Variants in RUNX3 observed in about 807,000 individuals in gnomAD.
RUNX3 encodes runt-related transcription factor 3.
RUNX3 carries 10 observed loss-of-function variants against 27.7 expected under a neutral mutation model. That is an observed-to-expected ratio of 0.36 (90% confidence interval 0.22 to 0.61). The LOEUF is 0.61. Ranked by LOEUF, RUNX3 falls within the 20% of genes least tolerant of loss-of-function variation. The probability of loss-of-function intolerance (pLI) is 0.72; values close to 1 mark genes in which losing one functional copy is unlikely to be tolerated. For missense variants in RUNX3, 469 were observed against 629.5 expected, an observed-to-expected ratio of 0.75 and a Z score of 2.73; for synonymous variants, 270 against 269.2, an observed-to-expected ratio of 1.00 and a Z score of -0.03.
At chr1:24,950,823 G>A (rs1050751484) in intron 2 of RUNX3, among the ~76,000 whole-genome samples, 5 of 152,178 alleles carry the variant, frequency 3.3e-5, no homozygotes, top group Admixed American at 2.0e-4. Context: ...AGGCAGACCT[G>A]TAGTAGGTGG....
At chr1:24,913,906 C>A (rs746538842) in intron 3 of RUNX3, among the ~76,000 whole-genome samples, 5 of 152,244 alleles carry the variant, frequency 3.3e-5, no homozygotes, top group Non-Finnish European at 7.3e-5. Flanking sequence ...ACCATTTTAG[C>A]AGGCATCCAT....
chr1:24,937,814 G>A (rs554790007), intron 2 of RUNX3, among the ~76,000 whole-genome samples: 4 of 152,336 alleles, frequency 2.6e-5, no homozygotes, highest in African/African-American at 9.6e-5. Context: ...TGGGGATGGA[G>A]TCTCAGTTTT....
chr1:24,930,002 G>T lies in RUNX3; in HGVS notation c.-134C>A. ...GAAGCGGCGGGGCCCGGGCCTCAGG[G>T]CGCAGGGGGCGGCGCCCGGCCACTA... is the stretch of plus-strand genomic sequence containing the variant. On this transcript the variant is annotated 5_prime_UTR_variant, in exon 1 of 5. Transcript: ENST00000308873. The surrounding 1 kb of genome is among the most constrained non-coding windows in gnomAD (Gnocchi z 4.1). The T allele has an allele frequency of 8.7e-7, 1 of 1,143,580 alleles. No individual in the cohort carries two copies. The highest frequency in any genetic ancestry group is 1.1e-6 in the Non-Finnish European group (1 of 933,054). 70.8% of individuals were successfully genotyped at this position (1,143,580 alleles called of 1,614,324 possible).
intron 2 of RUNX3, among the ~76,000 whole-genome samples, chr1:24,939,297 C>A (rs142878152): frequency 6.6e-6 from 1 of 152,352 alleles, no homozygotes; most frequent in Non-Finnish European, 1.5e-5. Context: ...TGGCAGCTCA[C>A]ACCCACATGG....
chr1:24,908,764 G>A (rs1431549851), intron 3 of RUNX3, among the ~76,000 whole-genome samples: 2 of 152,228 alleles, frequency 1.3e-5, no homozygotes, highest in Non-Finnish European at 2.9e-5. Flanking sequence ...CTGCCTCCCA[G>A]CATCCCAGCC....
Position 24,902,901 on chromosome 1 carries a change from C to G in RUNX3, c.704-235G>C, listed in dbSNP as rs551683005. On this transcript the variant is annotated intron_variant, in intron 4 of 4. Coordinates refer to ENST00000308873, the MANE Select transcript of RUNX3 (RefSeq NM_004350.3). The surrounding 1 kb of genome is among the most constrained non-coding windows in gnomAD (Gnocchi z 9.2). ...CCGGGCCAAGAGGGGCCATGGGAGC[C>G]CCCCCACAGCAGCAACAGAACAGAG... Among the ~76,000 whole-genome samples, 21 of 152,272 alleles carry G rather than the reference C, an allele frequency of 1.4e-4. 1 individual carries two copies. In the East Asian group the frequency reaches 3.7e-3, roughly 27 times the overall value.
intron 1 of RUNX3, chr1:24,929,233 C>A (rs190085162): frequency 5.6e-6 from 3 of 537,314 alleles, no homozygotes; most frequent in South Asian, 4.6e-5. Flanking sequence ...GGTGTCCTTG[C>A]CCCTGTCCCG....
Position 24,947,528 on chromosome 1 carries a change from G to A in RUNX3, c.58+16986C>T, listed in dbSNP as rs1467888900. ...CCACAAGCAGCCAAGCCCGGTCTTT[G>A]AGGGGTTGGAGTGGGCAGGCCTTTG... is the stretch of plus-strand genomic sequence containing the variant. On this transcript the variant is annotated intron_variant, in intron 2 of 6. Transcript: ENST00000338888. Among the ~76,000 whole-genome samples the A allele has an allele frequency of 3.9e-5, 6 of 152,200 alleles. No individual in the cohort carries two copies. The East Asian group carries it at 1.2e-3, about 29-fold the overall frequency.
rs1640513692 is a variant in RUNX3, at chr1:24,900,373, A to G, written c.*1749T>C. 1 of 152,380 alleles carries G rather than the reference A, an allele frequency of 6.6e-6. No homozygotes were observed. The highest frequency in any genetic ancestry group is 2.4e-5 in the African/African-American group (1 of 41,460). 9.4% of individuals were successfully genotyped at this position (152,380 alleles called of 1,614,324 possible). A position where few individuals can be genotyped will look rare whatever the true frequency, so the allele number is the denominator to read the frequency against. ...GACAGTGCTCTCACAGAGACAACCA[A>G]TGAAGAGCATTTTGTAGGGCAGATT... On this transcript the variant is annotated 3_prime_UTR_variant, in exon 5 of 5. Coordinates refer to ENST00000308873, the MANE Select transcript of RUNX3 (RefSeq NM_004350.3).
chr1:24,918,819 C>G (rs1479474779), intron 3 of RUNX3, among the ~76,000 whole-genome samples: 2 of 152,242 alleles, frequency 1.3e-5, no homozygotes, highest in Non-Finnish European at 2.9e-5. Context: ...AGAGGCCTGG[C>G]CTCACAGCCA....
At chr1:24,945,210 C>A (rs1264130219) in intron 2 of RUNX3, among the ~76,000 whole-genome samples, 1 of 152,042 alleles carries the variant, frequency 6.6e-6, no homozygotes, top group African/African-American at 2.4e-5. Context: ...TATAAAGTTG[C>A]CCCAAATATT....
chr1:24,964,686 G>T lies in RUNX3; in HGVS notation c.-97-18C>A, dbSNP rs573499468. On this transcript the variant is annotated intron_variant, in intron 1 of 6. Transcript: ENST00000338888. ...TCTAGCTACTTTTGAAAATAAAAGG[G>T]GGGGGTGTTGCTTTTTGTTGTTTTT... is the stretch of plus-strand genomic sequence containing the variant. 3.4e-5 allele frequency: 51 copies of T among 1,513,392 alleles called. No individual in the cohort carries two copies. In the East Asian group the frequency reaches 1.2e-3, roughly 35 times the overall value. The allele number at this position is 1,513,392 out of a possible 1,614,324, so 93.7% of individuals were successfully genotyped here.
intron 2 of RUNX3, among the ~76,000 whole-genome samples, chr1:24,958,324 A>T (rs977579394): frequency 2.6e-5 from 4 of 152,208 alleles, no homozygotes; most frequent in African/African-American, 9.7e-5. Context: ...TCTGACTCCT[A>T]AACTGTGTGC....
Position 24,899,788 on chromosome 1 carries a change from A to G in RUNX3, c.*2334T>C, listed in dbSNP as rs780572663. 1.3e-4 allele frequency: 20 copies of G among 152,662 alleles called. No individual in the cohort carries two copies. The highest frequency in any genetic ancestry group is 3.4e-3 in the Middle Eastern group (1 of 294). 9.5% of individuals were successfully genotyped at this position (152,662 alleles called of 1,614,324 possible). A position where few individuals can be genotyped will look rare whatever the true frequency, so the allele number is the denominator to read the frequency against. On this transcript the variant is annotated 3_prime_UTR_variant, in exon 5 of 5. Coordinates refer to ENST00000308873, the MANE Select transcript of RUNX3 (RefSeq NM_004350.3). ...CTACTGACAGGCTCACAGTAACACT[A>G]TATCAAAACGTCTTCCTTTCCTCGT...
chr1:24,905,787 C>G (rs1364426451), intron 4 of RUNX3, among the ~76,000 whole-genome samples: 11 of 152,266 alleles, frequency 7.2e-5, no homozygotes, highest in African/African-American at 2.7e-4. Flanking sequence ...AAGGCTGGCT[C>G]TCAGGCTACT....
chr1:24,904,324 A>G lies in RUNX3; in HGVS notation c.704-1658T>C, dbSNP rs911479186. Among the ~76,000 whole-genome samples, 2 of 152,176 alleles carry G rather than the reference A, an allele frequency of 1.3e-5. No homozygotes were observed. Among genetic ancestry groups the G allele is most frequent in the African/African-American group, 4.8e-5 (2 of 41,442 alleles). ...GGGGTCTTCCCAAGTCAGCTGGGGT[A>G]TGTTTCCCTCAGCAGCGTACTCTGG... On this transcript the variant is annotated intron_variant, in intron 4 of 4. Coordinates refer to ENST00000308873, the MANE Select transcript of RUNX3 (RefSeq NM_004350.3). The surrounding 1 kb of genome is among the most constrained non-coding windows in gnomAD (Gnocchi z 5.7).
chr1:24,954,176 T>C (rs1641852201), intron 2 of RUNX3, among the ~76,000 whole-genome samples: 2 of 152,246 alleles, frequency 1.3e-5, no homozygotes, highest in South Asian at 2.1e-4. Context: ...GGGGTAAAAA[T>C]AGACTGGAAG....
At chr1:24,945,578 C>G (rs746773686) in intron 2 of RUNX3, among the ~76,000 whole-genome samples, 1 of 152,200 alleles carries the variant, frequency 6.6e-6, no homozygotes, top group Admixed American at 6.5e-5. Flanking sequence ...GATGAGGAAA[C>G]TGAGGCCCAG....
At chr1:24,963,462 C>G (rs1343797440) in intron 2 of RUNX3, among the ~76,000 whole-genome samples, 6 of 152,204 alleles carry the variant, frequency 3.9e-5, no homozygotes, top group Admixed American at 3.9e-4. Flanking sequence ...TGCAGCCTCT[C>G]TGTTCTGGAA....
Sources: gnomAD v4.1 joint callset for allele counts (sites outside exome capture counted in the v4.1 genomes callset) on GRCh38, gnomAD v4.1.1 for gene constraint, Gnocchi (gnomAD v3.1) non-coding constraint, MANE v1.5 for transcripts, NCBI Gene and HGNC (gene_info 2026-07-23, HGNC 2026-07-21) for gene names.